HAUS1: variants seen among roughly 807,000 people sequenced by gnomAD.
HAUS1 encodes the protein HAUS augmin like complex subunit 1, also known as HAUS augmin-like complex subunit 1.
Under a neutral mutation model 38.6 loss-of-function variants are expected in HAUS1, and 25 were observed. The observed-to-expected ratio is 0.65, with a 90% CI of 0.47 to 0.91. The LOEUF (loss-of-function observed/expected upper bound fraction) is 0.91. Ranked by LOEUF, HAUS1 falls within the 40% of genes least tolerant of loss-of-function variation. The pLI is 0.00. For missense variants in HAUS1, 325 were observed against 328.4 expected (o/e 0.99, Z 0.08); for synonymous variants, 109 against 112.9 (o/e 0.97, Z 0.22).
At chr18:46,117,074 A>T (rs1911815300) in intron 2 of HAUS1, among the ~76,000 whole-genome samples, 1 of 152,226 alleles carries the variant, frequency 6.6e-6, no homozygotes. Context: ...TGGAGCCTTC[A>T]TCACTTCTAA....
At chr18:46,113,007 G>GAATATATATAGTCCATATTATATATAT (rs1911704751) in intron 2 of HAUS1, among the ~76,000 whole-genome samples, 2 of 54,224 alleles carry the variant, frequency 3.7e-5, no homozygotes, top group South Asian at 1.1e-3. Context: ...CATATATATG[G>GAATATATATAGTCCATATTATATATAT]AATATATATA....
intron 2 of HAUS1, among the ~76,000 whole-genome samples, chr18:46,116,060 C>T (rs982162113): frequency 6.7e-5 from 10 of 150,212 alleles, no homozygotes; most frequent in East Asian, 2.0e-4. Flanking sequence ...GAACCGAGAT[C>T]GTGCCACTGC....
chr18:46,109,549 T>C (rs911066463), intron 2 of HAUS1: 1 of 152,172 alleles, frequency 6.6e-6, no homozygotes, highest in African/African-American at 2.4e-5. Flanking sequence ...AGCTGTTCTC[T>C]CCTGAAGAGT....
At chr18:46,117,935 G>C (rs1911838355) in intron 2 of HAUS1, among the ~76,000 whole-genome samples, 1 of 152,042 alleles carries the variant, frequency 6.6e-6, no homozygotes, top group African/African-American at 2.4e-5. Flanking sequence ...AACAGAGCGA[G>C]ACTCCATTTC....
intron 8 of HAUS1, 94 bp downstream of exon 8, chr18:46,125,885 C>T: frequency 3.9e-6 from 3 of 779,164 alleles, no homozygotes; most frequent in East Asian, 5.3e-5. Flanking sequence ...CCTTTCTCCT[C>T]AGTGGTAAGC....
chr18:46,104,445 A>T lies in HAUS1; in HGVS notation c.30+4A>T, dbSNP rs1911395114. ...GCAGGAGGAGAGAGAAACGCAGGTG[A>T]TGGGGCGGGAATGGGGATCGTTGGC... On this transcript the variant is annotated splice_donor_region_variant and intron_variant, in intron 1 of 8. Transcript: ENST00000282058. 6.8e-7 allele frequency: 1 copy of T among 1,466,314 alleles called. No homozygotes were observed. The highest frequency in any genetic ancestry group is 9.1e-7 in the Non-Finnish European group (1 of 1,099,004). The allele number at this position is 1,466,314 out of a possible 1,614,324, so 90.8% of individuals were successfully genotyped here.
intron 2 of HAUS1, chr18:46,106,725 T>G (rs567518738): frequency 6.6e-6 from 1 of 151,776 alleles, no homozygotes; most frequent in South Asian, 2.1e-4. Flanking sequence ...AAAGTTAATA[T>G]ACAGCAGGGC....
intron 2 of HAUS1, among the ~76,000 whole-genome samples, chr18:46,114,621 C>T (rs1256167210): frequency 6.6e-6 from 1 of 152,162 alleles, no homozygotes; most frequent in African/African-American, 2.4e-5. Context: ...CTCTCAACCA[C>T]ATCCCGCTGG....
chr18:46,110,534 G>A (rs1486599418), intron 2 of HAUS1, among the ~76,000 whole-genome samples: 1 of 151,472 alleles, frequency 6.6e-6, no homozygotes, highest in African/African-American at 2.4e-5. Context: ...GTAGAGGCAG[G>A]GTTTCATCAT....
rs1191905890 is a variant in HAUS1 at position 46,128,157 on chromosome 18, A to G, written c.*32A>G. On this transcript the variant is annotated 3_prime_UTR_variant, in exon 9 of 9. Transcript: ENST00000282058. The stretch of plus-strand genomic sequence containing the variant: ...CCAAATAAACATCCTTTTCCCTAAC[A>G]AAGTAAATTGAATAGGACTTTACAG... The G allele has an allele frequency of 3.5e-6, 5 of 1,438,266 alleles. No homozygotes were observed. The African/African-American group carries it at 4.3e-5, about 12-fold the overall frequency. 89.1% of individuals were successfully genotyped at this position (1,438,266 alleles called of 1,614,324 possible). A position where few individuals can be genotyped will look rare whatever the true frequency, so the allele number is the denominator to read the frequency against.
Position 46,123,347 on chromosome 18 carries a change from TTAG to T in HAUS1, c.653_655del (p.Val218del). ...GGATGCTTCTCTGTCTCATCAGTCC[TTAG>T]TAGCACTATCAGAGGTGAGCTTATT... On this transcript the variant is annotated inframe_deletion, in exon 6 of 9. Transcript: ENST00000282058. The T allele has an allele frequency of 6.2e-7, 1 of 1,609,690 alleles. No homozygotes were observed.
rs1018451390 is a variant in HAUS1 at position 46,104,553 on chromosome 18, C to G, written c.30+112C>G. 4.5e-6 allele frequency: 4 copies of G among 896,172 alleles called. No homozygotes were observed. The African/African-American group carries it at 7.0e-5, about 16-fold the overall frequency. 55.5% of individuals were successfully genotyped at this position (896,172 alleles called of 1,614,324 possible). On this transcript the variant is annotated intron_variant, in intron 1 of 8. Transcript: ENST00000282058. ...CACGTCTACTTTTCTCTCCCCTATTCCACACATCCGTCTTTTAGTGCCGCC... is the reference window on the plus strand; with the variant it reads ...CACGTCTACTTTTCTCTCCCCTATTGCACACATCCGTCTTTTAGTGCCGCC...
intron 8 of HAUS1, among the ~76,000 whole-genome samples, chr18:46,126,276 A>G (rs1327414921): frequency 6.6e-6 from 1 of 152,172 alleles, no homozygotes; most frequent in Non-Finnish European, 1.5e-5. Flanking sequence ...CTCCCTCTCA[A>G]AAAACAAAAA....
chr18:46,121,253 G>A (rs113435473), intron 4 of HAUS1, among the ~76,000 whole-genome samples: 3 of 151,814 alleles, frequency 2.0e-5, no homozygotes, highest in South Asian at 4.2e-4. Context: ...GCAATGGCGC[G>A]ATCTCAGCTC....
rs532666676 is a variant in HAUS1 at position 46,113,995 on chromosome 18, C to G, written c.206-4186C>G. Among the ~76,000 whole-genome samples, 562 of 152,292 alleles carry G rather than the reference C, an allele frequency of 3.7e-3. 5 individuals carry two copies. Among genetic ancestry groups the G allele is most frequent in the African/African-American group, 0.012 (514 of 41,558 alleles). The stretch of plus-strand genomic sequence containing the variant: ...GACTTCCTCTCTTTCACTGAGCACA[C>G]CTGACTGTAAAATTCCACTAATTTA... On this transcript the variant is annotated intron_variant, in intron 2 of 8. Coordinates refer to ENST00000282058, the MANE Select transcript of HAUS1 (RefSeq NM_138443.4).
chr18:46,109,332 C>G (rs1911559200), intron 2 of HAUS1, among the ~76,000 whole-genome samples: 1 of 152,174 alleles, frequency 6.6e-6, no homozygotes, highest in Admixed American at 6.6e-5. Context: ...CACCTTCCAT[C>G]AGTCCCCTCC....
At chr18:46,127,442 C>A (rs1408945962) in intron 8 of HAUS1, among the ~76,000 whole-genome samples, 1 of 151,052 alleles carries the variant, frequency 6.6e-6, no homozygotes, top group Non-Finnish European at 1.5e-5. Flanking sequence ...TGCAGTGGCT[C>A]ACACCTGTAA....
rs748518244 is a variant in HAUS1 at position 46,128,170 on chromosome 18, T to G, written c.*45T>G. 1 of 1,276,972 alleles carries G rather than the reference T, an allele frequency of 7.8e-7. No homozygotes were observed. Among genetic ancestry groups the G allele is most frequent in the Non-Finnish European group, 1.1e-6 (1 of 903,464 alleles). 79.1% of individuals were successfully genotyped at this position (1,276,972 alleles called of 1,614,324 possible). A position where few individuals can be genotyped will look rare whatever the true frequency, so the allele number is the denominator to read the frequency against. ...CTTTTCCCTAACAAAGTAAATTGAA[T>G]AGGACTTTACAGAGTTCTTTTTCCT... On this transcript the variant is annotated 3_prime_UTR_variant, in exon 9 of 9. Coordinates refer to ENST00000282058, the MANE Select transcript of HAUS1 (RefSeq NM_138443.4).
chr18:46,105,550 A>ATG (rs34943742), intron 2 of HAUS1, 182 bp downstream of exon 2: 19 of 270,560 alleles, frequency 7.0e-5, no homozygotes, highest in African/African-American at 4.9e-4. Context: ...ATGTATATGT[A>ATG]TGTGTGTGTG....
Sources: allele counts gnomAD v4.1 joint callset (sites outside exome capture counted in the v4.1 genomes callset), GRCh38; gene constraint gnomAD v4.1.1; transcripts MANE v1.5; gene names NCBI Gene and HGNC (gene_info 2026-07-23, HGNC 2026-07-21).